RAPGEF6: variants seen among roughly 807,000 people sequenced by gnomAD.
RAPGEF6 encodes Rap guanine nucleotide exchange factor 6.
Under a neutral mutation model 171.4 loss-of-function variants are expected in RAPGEF6, and 56 were observed. The ratio of observed to expected loss-of-function variants is 0.33; its 90% confidence interval spans 0.26 to 0.41. The LOEUF (loss-of-function observed/expected upper bound fraction) is 0.41, where lower values mean the gene tolerates loss of function less well. RAPGEF6 is among the 10% of genes least tolerant of loss of function. The pLI, the probability that RAPGEF6 is intolerant of heterozygous loss-of-function variation, is 1.00. For synonymous variants in RAPGEF6, 692 were observed against 650.1 expected (o/e 1.06, Z -0.98); for missense variants, 1,674 against 1,921.4 (o/e 0.87, Z 2.41).
intron 11 of RAPGEF6, among the ~76,000 whole-genome samples, chr5:131,500,783 A>G (rs947209216): frequency 6.6e-6 from 1 of 152,126 alleles, no homozygotes; most frequent in Non-Finnish European, 1.5e-5. Context: ...CTTTCTCAAA[A>G]GACTGTGAGT....
intron 19 of RAPGEF6, among the ~76,000 whole-genome samples, chr5:131,461,501 A>G (rs1384530188): frequency 2.0e-5 from 3 of 152,344 alleles, no homozygotes; most frequent in South Asian, 4.1e-4. Context: ...CATTTACAAA[A>G]AAGAAGTAAA....
At chr5:131,487,680 A>T (rs1338176306) in intron 15 of RAPGEF6, among the ~76,000 whole-genome samples, 2 of 152,154 alleles carry the variant, frequency 1.3e-5, no homozygotes, top group Non-Finnish European at 2.9e-5. Context: ...GCTAGACAGA[A>T]ATGTTCTCCG....
rs1026066522 is a variant in RAPGEF6, at chr5:131,571,206, T to C, written c.282-9159A>G. Among the ~76,000 whole-genome samples the C allele has an allele frequency of 6.6e-5, 10 of 152,252 alleles. No individual in the cohort carries two copies. In the South Asian group the frequency reaches 2.1e-3, roughly 32 times the overall value. ...ATCCACCCGCCTTGGCCTCCCAAAA[T>C]GCTGCGATTACAGGTGTAAGCCACC... On this transcript the variant is annotated intron_variant, in intron 4 of 27. Coordinates refer to ENST00000509018, the MANE Select transcript of RAPGEF6 (RefSeq NM_016340.6).
intron 6 of RAPGEF6, among the ~76,000 whole-genome samples, chr5:131,527,451 C>A (rs1022051394): frequency 3.9e-5 from 6 of 152,150 alleles, no homozygotes; most frequent in Non-Finnish European, 7.3e-5. Flanking sequence ...ACAATATTCT[C>A]ATAAACTGCT....
At chr5:131,513,410 T>A (rs571843371) in intron 7 of RAPGEF6, among the ~76,000 whole-genome samples, 2 of 152,336 alleles carry the variant, frequency 1.3e-5, no homozygotes, top group East Asian at 1.9e-4. Flanking sequence ...TCTGTCTTCA[T>A]CTTAATCTAA....
chr5:131,461,979 C>T lies in RAPGEF6; in HGVS notation c.2590G>A (p.Val864Met), dbSNP rs753090723. ...TCCCTCATTGACAGCTGGGTGGCCA[C>T]CTCAATGGTACTGAGCTGCAGCATG... ...LSMLQLSTIE[V>M]ATQLSMRDFD... is the part of the protein sequence containing the mutation. Residue 864 changes from valine (V) to methionine (M), a missense_variant, in exon 19 of 28, where the codon GTG (valine) becomes ATG (methionine). Coordinates refer to ENST00000509018, the MANE Select transcript of RAPGEF6 (RefSeq NM_016340.6). The T allele has an allele frequency of 1.2e-6, 2 of 1,614,138 alleles. No individual in the cohort carries two copies. Among genetic ancestry groups the T allele is most frequent in the Non-Finnish European group, 1.7e-6 (2 of 1,180,002 alleles).
intron 24 of RAPGEF6, chr5:131,435,716 T>A: frequency 2.7e-6 from 2 of 731,356 alleles, no homozygotes. Flanking sequence ...CATATTTCAC[T>A]CACAGATCCA....
At chr5:131,626,692 A>T (rs1765950935) in intron 1 of RAPGEF6, among the ~76,000 whole-genome samples, 1 of 152,076 alleles carries the variant, frequency 6.6e-6, no homozygotes, top group African/African-American at 2.4e-5. Flanking sequence ...ATGAATAGGG[A>T]CCATGTCTAA....
intron 6 of RAPGEF6, among the ~76,000 whole-genome samples, chr5:131,529,593 A>G (rs965315712): frequency 6.6e-6 from 1 of 151,838 alleles, no homozygotes; most frequent in Admixed American, 6.6e-5. Context: ...GCAAAACTTC[A>G]TGGCATCAAG....
intron 17 of RAPGEF6, among the ~76,000 whole-genome samples, chr5:131,465,070 TA>T (rs1473784333): frequency 4.6e-5 from 7 of 152,280 alleles, no homozygotes; most frequent in South Asian, 4.1e-4. Flanking sequence ...TTTTTAAAAA[TA>T]TTTTTTGGTA....
chr5:131,546,213 A>T (rs775696663), intron 6 of RAPGEF6, among the ~76,000 whole-genome samples: 1 of 152,240 alleles, frequency 6.6e-6, no homozygotes, highest in African/African-American at 2.4e-5. Flanking sequence ...TAAATATTAC[A>T]GTTAAAGATT....
intron 7 of RAPGEF6, among the ~76,000 whole-genome samples, chr5:131,516,335 C>T (rs887850014): frequency 2.0e-5 from 3 of 152,018 alleles, no homozygotes; most frequent in Non-Finnish European, 4.4e-5. Flanking sequence ...CCACCGAACC[C>T]AGCCTCAGAT....
At chr5:131,613,397 G>T (rs541064227) in intron 1 of RAPGEF6, among the ~76,000 whole-genome samples, 1 of 151,964 alleles carries the variant, frequency 6.6e-6, no homozygotes, top group Non-Finnish European at 1.5e-5. Context: ...GCGACACAGC[G>T]AGACTCCGTG....
intron 1 of RAPGEF6, among the ~76,000 whole-genome samples, chr5:131,617,504 G>A (rs903812500): frequency 6.6e-6 from 1 of 152,196 alleles, no homozygotes; most frequent in Non-Finnish European, 1.5e-5. Context: ...CCAGGCTGGA[G>A]TGTAGTGTTA....
At chr5:131,454,991 G>A (rs988740311) in intron 20 of RAPGEF6, among the ~76,000 whole-genome samples, 10 of 152,148 alleles carry the variant, frequency 6.6e-5, no homozygotes, top group Non-Finnish European at 2.9e-5. Flanking sequence ...TGAAAATGAA[G>A]TAAAGGCATT....
intron 1 of RAPGEF6, among the ~76,000 whole-genome samples, chr5:131,605,151 T>A (rs1246031140): frequency 6.6e-6 from 1 of 152,160 alleles, no homozygotes; most frequent in Non-Finnish European, 1.5e-5. Flanking sequence ...TACCACTAAA[T>A]AAAAAAGATT....
At chr5:131,466,436 C>T (rs894283895) in intron 17 of RAPGEF6, among the ~76,000 whole-genome samples, 1 of 152,162 alleles carries the variant, frequency 6.6e-6, no homozygotes, top group South Asian at 2.1e-4. Context: ...ATCAGACATA[C>T]TTCTTGAAAG....
chr5:131,485,174 G>A (rs766887125), intron 15 of RAPGEF6, among the ~76,000 whole-genome samples: 10 of 152,190 alleles, frequency 6.6e-5, no homozygotes, highest in East Asian at 1.9e-4. Context: ...TGATCCTCCC[G>A]CCTCAGCCTC....
At chr5:131,510,054 C>T (rs1379253176) in intron 8 of RAPGEF6, among the ~76,000 whole-genome samples, 1 of 152,182 alleles carries the variant, frequency 6.6e-6, no homozygotes, top group African/African-American at 2.4e-5. Context: ...GAATAGCTAT[C>T]TTGGACACAG....
Sources: gnomAD v4.1 joint callset for allele counts (sites outside exome capture counted in the v4.1 genomes callset) on GRCh38, gnomAD v4.1.1 for gene constraint, MANE v1.5 for transcripts, NCBI Gene and HGNC (gene_info 2026-07-23, HGNC 2026-07-21) for gene names.